Variants in ZNF674 observed in about 807,000 individuals in gnomAD.
ZNF674 encodes the protein zinc finger family member 674.
ZNF674 carries 2 observed loss-of-function variants against 7.0 expected under a neutral mutation model. The ratio of observed to expected loss-of-function variants is 0.29; its 90% confidence interval spans 0.12 to 0.90. The LOEUF is 0.90. Ranked by LOEUF, ZNF674 falls within the 40% of genes least tolerant of loss-of-function variation. ZNF674 has a pLI of 0.57. For missense variants in ZNF674, 297 were observed against 415.5 expected (o/e 0.71, Z 2.48); for synonymous variants, 103 against 145.2 (o/e 0.71, Z 2.09).
chrX:46,504,430 C>T (rs1941489898), intron 5 of ZNF674, among the ~76,000 whole-genome samples: 1 of 109,370 alleles, frequency 9.1e-6, no homozygotes, highest in Non-Finnish European at 1.9e-5. Context: ...GCAACCTCTG[C>T]CTCCTGGGTT....
intron 3 of ZNF674, chrX:46,529,323 T>C (rs936088100): frequency 1.2e-5 from 2 of 168,648 alleles, no homozygotes; most frequent in African/African-American, 6.3e-5. Context: ...ATTCAACACA[T>C]GTTTACTGAA....
intron 5 of ZNF674, among the ~76,000 whole-genome samples, chrX:46,504,873 A>T (rs1941501360): frequency 9.1e-6 from 1 of 109,555 alleles, no homozygotes; most frequent in African/African-American, 3.3e-5. Flanking sequence ...TTTTCTTTTT[A>T]TTTTTTTAAT....
chrX:46,500,282 G>A lies in ZNF674; in HGVS notation c.1292C>T (p.Thr431Ile), dbSNP rs746340164. Residue 431 changes from threonine (T) to isoleucine (I), a missense_variant, in exon 6 of 6, where the codon ACA becomes ATA. Transcript: ENST00000683375. ...TCTGCATTCATAAGGTTTCTCTCCT[G>A]TATGAGTTCTATGATGGACAGAGAG... is the stretch of plus-strand genomic sequence containing the variant. ...SHLSVHHRTH[T>I]GEKPYECRRC... 8.3e-7 allele frequency: 1 copy of A among 1,210,854 alleles called. No individual in the cohort carries two copies. Among genetic ancestry groups the A allele is most frequent in the Non-Finnish European group, 1.1e-6 (1 of 894,654 alleles).
chrX:46,514,383 A>G (rs185786447), intron 5 of ZNF674, among the ~76,000 whole-genome samples: 12 of 110,907 alleles, frequency 1.1e-4, no homozygotes, highest in African/African-American at 3.9e-4. Flanking sequence ...TGTGGGTCTT[A>G]CTCCCACAAT....
At chrX:46,506,399 T>C (rs1941538586) in intron 5 of ZNF674, among the ~76,000 whole-genome samples, 1 of 103,133 alleles carries the variant, frequency 9.7e-6, no homozygotes, top group African/African-American at 3.5e-5. Flanking sequence ...CCCTGTAGCA[T>C]CTTGGCTTTG....
intron 5 of ZNF674, among the ~76,000 whole-genome samples, chrX:46,508,748 T>C (rs1161123202): frequency 1.8e-5 from 2 of 111,514 alleles, no homozygotes; most frequent in Non-Finnish European, 3.8e-5. Context: ...AGTTCACTCG[T>C]GATTTGGTTC....
intron 3 of ZNF674, among the ~76,000 whole-genome samples, chrX:46,541,063 T>TA (rs775512480): frequency 0.052 from 2,359 of 44,991 alleles, 111 homozygotes; most frequent in African/African-American, 0.17. Context: ...AAACTCCATT[T>TA]AAAAAAAAAA....
chrX:46,521,645 C>T (rs1275317129), intron 5 of ZNF674, among the ~76,000 whole-genome samples: 9 of 65,920 alleles, frequency 1.4e-4, no homozygotes, highest in South Asian at 9.8e-4. Flanking sequence ...GAGGCCAAGG[C>T]GGGGGAGGGG....
intron 5 of ZNF674, among the ~76,000 whole-genome samples, chrX:46,505,770 A>T (rs184529177): frequency 3.0e-5 from 3 of 101,529 alleles, no homozygotes; most frequent in South Asian, 4.2e-4. Context: ...AAACTCTGTC[A>T]CACACACACA....
intron 4 of ZNF674, 65 bp from the exon 5 acceptor site, chrX:46,528,510 C>T: frequency 1.3e-5 from 14 of 1,118,236 alleles, no homozygotes; most frequent in Non-Finnish European, 1.7e-5. Flanking sequence ...CCTAGGCCCA[C>T]CCCTGCAGGC....
Position 46,519,272 on chromosome X carries a change from A to ATGAT in ZNF674, c.238+9074_238+9077dup, listed in dbSNP as rs1481721167. On this transcript the variant is annotated intron_variant, in intron 5 of 5. Coordinates refer to ENST00000683375, the MANE Select transcript of ZNF674 (RefSeq NM_001190417.2). The stretch of plus-strand genomic sequence containing the variant: ...TAGATAGATAGATAGATAAAGATAG[A>ATGAT]TGATAGATAGATAGATAGATAGATA... Among the ~76,000 whole-genome samples the ATGAT allele has an allele frequency of 2.3e-3, 150 of 64,296 alleles. 2 individuals are homozygous for ATGAT. Among genetic ancestry groups the ATGAT allele is most frequent in the Non-Finnish European group, 3.6e-3 (128 of 35,417 alleles). The allele number at this position is 64,296 out of a possible 115,157, so 55.8% of individuals were successfully genotyped here. A position where few individuals can be genotyped will look rare whatever the true frequency, so the allele number is the denominator to read the frequency against.
Position 46,497,748 on chromosome X carries a change from TTGG to T in ZNF674, c.*2092_*2094del, listed in dbSNP as rs1289665267. 9.0e-6 allele frequency: 1 copy of T among 111,542 alleles called. No homozygotes were observed. The highest frequency in any genetic ancestry group is 3.3e-5 in the African/African-American group (1 of 30,701). 9.2% of individuals were successfully genotyped at this position (111,542 alleles called of 1,213,427 possible). A position where few individuals can be genotyped will look rare whatever the true frequency, so the allele number is the denominator to read the frequency against. ...TATACACTTTAAACGATATACTTTATTGGTGATTTCTGGAGACTACAATCAAAA... is the reference window on the plus strand; with the variant it reads ...TATACACTTTAAACGATATACTTTATTGATTTCTGGAGACTACAATCAAAA... On this transcript the variant is annotated 3_prime_UTR_variant, in exon 6 of 6. Coordinates refer to ENST00000683375, the MANE Select transcript of ZNF674 (RefSeq NM_001190417.2).
chrX:46,515,588 A>G (rs1941749632), intron 5 of ZNF674, among the ~76,000 whole-genome samples: 2 of 111,049 alleles, frequency 1.8e-5, no homozygotes, highest in South Asian at 7.5e-4. Context: ...GGGTATATAC[A>G]TGTCAACACT....
intron 3 of ZNF674, among the ~76,000 whole-genome samples, chrX:46,532,469 TAGAG>T (rs369820564): frequency 1.8e-5 from 2 of 111,843 alleles, no homozygotes; most frequent in Non-Finnish European, 3.8e-5. Context: ...AATTCATCAT[TAGAG>T]AGAGAGAAAA....
intron 5 of ZNF674, among the ~76,000 whole-genome samples, chrX:46,506,214 T>C (rs1941535244): frequency 9.0e-6 from 1 of 111,666 alleles, no homozygotes. Flanking sequence ...CCTAGGGCAC[T>C]GAACACCTGT....
chrX:46,508,415 C>T (rs921222413), intron 5 of ZNF674, among the ~76,000 whole-genome samples: 1 of 112,089 alleles, frequency 8.9e-6, no homozygotes, highest in Non-Finnish European at 1.9e-5. Context: ...TACTTCTAAA[C>T]ATTAATGCAA....
At chrX:46,542,588 C>A (rs1942311845) in intron 2 of ZNF674, among the ~76,000 whole-genome samples, 1 of 110,990 alleles carries the variant, frequency 9.0e-6, no homozygotes, top group African/African-American at 3.3e-5. Context: ...GTGGTGCATG[C>A]CTGTAGTCCC....
At chrX:46,502,036 G>A (rs577511523) in intron 5 of ZNF674, among the ~76,000 whole-genome samples, 32 of 110,512 alleles carry the variant, frequency 2.9e-4, no homozygotes, top group South Asian at 1.9e-3. Context: ...GGCTGGGCGC[G>A]GTGGCTCACG....
At chrX:46,513,477 T>C (rs1390818250) in intron 5 of ZNF674, among the ~76,000 whole-genome samples, 1 of 111,930 alleles carries the variant, frequency 8.9e-6, no homozygotes, top group Admixed American at 9.5e-5. Flanking sequence ...AATCACACAC[T>C]ATCTGTAACA....
Sources: allele counts gnomAD v4.1 joint callset (sites outside exome capture counted in the v4.1 genomes callset), GRCh38; gene constraint gnomAD v4.1.1; transcripts MANE v1.5; gene names NCBI Gene and HGNC (gene_info 2026-07-23, HGNC 2026-07-21).